The following TNKS variants were observed in gnomAD, a reference collection of about 807,000 sequenced individuals.
The protein encoded by TNKS is poly [ADP-ribose] polymerase tankyrase-1.
TNKS carries 72 observed loss-of-function variants against 135.8 expected under a neutral mutation model. The ratio of observed to expected loss-of-function variants is 0.53; its 90% CI spans 0.44 to 0.64. TNKS has a LOEUF of 0.64. Among genes scored for constraint, TNKS ranks in the 30% least tolerant of loss-of-function variants. TNKS has a pLI of 0.00. For missense variants in TNKS, 1,769 were observed against 1,674.0 expected (o/e 1.06, Z -0.99); for synonymous variants, 849 against 649.3 (o/e 1.31, Z -4.68).
chr8:9,612,677 G>A (rs1197631301), intron 2 of TNKS, among the ~76,000 whole-genome samples: 2 of 152,014 alleles, frequency 1.3e-5, no homozygotes, highest in Non-Finnish European at 2.9e-5. Flanking sequence ...ATTATCTGTG[G>A]CTGCTTTCAC....
chr8:9,704,587 A>T, intron 5 of TNKS, 76 bp from the exon 6 acceptor site: 2 of 1,232,814 alleles, frequency 1.6e-6, no homozygotes, highest in Non-Finnish European at 2.4e-6. Context: ...CATTGTGTTT[A>T]AATCTGAAAT....
intron 26 of TNKS, 26 bp from the exon 27 acceptor site, chr8:9,776,624 T>TA (rs1808238100): frequency 1.2e-6 from 2 of 1,607,636 alleles, no homozygotes; most frequent in African/African-American, 2.7e-5. Flanking sequence ...AGAAGGGTGA[T>TA]TTGTTTTTCT....
At chr8:9,597,582 G>C (rs566394479) in intron 2 of TNKS, among the ~76,000 whole-genome samples, 97 of 152,296 alleles carry the variant, frequency 6.4e-4, no homozygotes, top group African/African-American at 2.2e-3. Flanking sequence ...GGATTATGGA[G>C]AATCGTTAAT....
At chr8:9,675,196 T>A (rs967541501) in intron 3 of TNKS, among the ~76,000 whole-genome samples, 1 of 152,196 alleles carries the variant, frequency 6.6e-6, no homozygotes, top group African/African-American at 2.4e-5. Context: ...GGTTTTTAAT[T>A]TTCAAATCTA....
chr8:9,688,150 A>G (rs1450738061), intron 5 of TNKS, among the ~76,000 whole-genome samples: 1 of 152,248 alleles, frequency 6.6e-6, no homozygotes, highest in Non-Finnish European at 1.5e-5. Flanking sequence ...TGATAAAGAT[A>G]TTTTAAAATA....
chr8:9,560,935 C>T (rs528793036), intron 1 of TNKS, among the ~76,000 whole-genome samples: 2 of 151,992 alleles, frequency 1.3e-5, no homozygotes, highest in Non-Finnish European at 2.9e-5. Flanking sequence ...AATGATACTG[C>T]TCTTTGGAAG....
chr8:9,743,259 C>T (rs969832467), intron 17 of TNKS, among the ~76,000 whole-genome samples: 2 of 152,124 alleles, frequency 1.3e-5, no homozygotes, highest in African/African-American at 4.8e-5. Flanking sequence ...ATTTCTTCTT[C>T]CTAATATTAT....
At chr8:9,662,434 T>C (rs866130684) in intron 3 of TNKS, among the ~76,000 whole-genome samples, 1 of 152,202 alleles carries the variant, frequency 6.6e-6, no homozygotes, top group Non-Finnish European at 1.5e-5. Flanking sequence ...GATGAGTTCA[T>C]GTCCTTTGTA....
At chr8:9,754,271 G>A (rs1806718566) in intron 20 of TNKS, among the ~76,000 whole-genome samples, 1 of 152,118 alleles carries the variant, frequency 6.6e-6, no homozygotes, top group African/African-American at 2.4e-5. Flanking sequence ...TTAAGACCTA[G>A]TCAACTTATC....
At chr8:9,606,638 G>T (rs1458396319) in intron 2 of TNKS, among the ~76,000 whole-genome samples, 1 of 151,986 alleles carries the variant, frequency 6.6e-6, no homozygotes, top group Non-Finnish European at 1.5e-5. Context: ...TATAATTGAT[G>T]CTTTGAGGTC....
At chr8:9,768,054 C>G (rs1480782409) in intron 25 of TNKS, among the ~76,000 whole-genome samples, 1 of 150,940 alleles carries the variant, frequency 6.6e-6, no homozygotes, top group Non-Finnish European at 1.5e-5. Context: ...TTGCTTCAAA[C>G]CTAATTCCTC....
At chr8:9,574,132 A>G (rs1797857699) in intron 1 of TNKS, among the ~76,000 whole-genome samples, 1 of 152,228 alleles carries the variant, frequency 6.6e-6, no homozygotes, top group Non-Finnish European at 1.5e-5. Context: ...CCAGCACACC[A>G]CATAGTATAT....
chr8:9,729,873 AAGCAATTCTCCTGCCTCAGCCTCCC>A (rs1335180750), intron 13 of TNKS, among the ~76,000 whole-genome samples: 1 of 140,938 alleles, frequency 7.1e-6, no homozygotes, highest in Non-Finnish European at 1.5e-5. Flanking sequence ...TCCTGGGTTC[AAGCAATTCTCCTGCCTCAGCCTCCC>A]AGCGAGTAGC....
chr8:9,736,191 G>T (rs1435607430), intron 17 of TNKS, among the ~76,000 whole-genome samples: 1 of 151,322 alleles, frequency 6.6e-6, no homozygotes, highest in African/African-American at 2.4e-5. Context: ...GGCATGGAAA[G>T]TATGTTGGCT....
At chr8:9,694,173 C>G (rs950947120) in intron 5 of TNKS, among the ~76,000 whole-genome samples, 3 of 152,266 alleles carry the variant, frequency 2.0e-5, no homozygotes, top group South Asian at 4.2e-4. Flanking sequence ...GTAAATTTGT[C>G]ACACAAATTT....
At chr8:9,613,824 C>G (rs1226061766) in intron 2 of TNKS, among the ~76,000 whole-genome samples, 1 of 152,174 alleles carries the variant, frequency 6.6e-6, no homozygotes, top group Admixed American at 6.5e-5. Flanking sequence ...TTTTAGGTGA[C>G]TTTGGAGAAA....
intron 2 of TNKS, among the ~76,000 whole-genome samples, chr8:9,606,151 TG>T (rs1799210586): frequency 7.1e-5 from 2 of 28,126 alleles, no homozygotes; most frequent in Non-Finnish European, 1.3e-4. Flanking sequence ...AGAGTTATTT[TG>T]TGTTTTTTTT....
At chr8:9,734,791 A>C in intron 15 of TNKS, 74 bp from the exon 16 acceptor site, 1 of 1,298,696 alleles carries the variant, frequency 7.7e-7, no homozygotes, top group South Asian at 1.4e-5. Flanking sequence ...GGTAGAGTAA[A>C]TTAATTACCT....
chr8:9,585,398 C>G (rs2129054430), intron 2 of TNKS, among the ~76,000 whole-genome samples: 1 of 152,088 alleles, frequency 6.6e-6, no homozygotes, highest in South Asian at 2.1e-4. Flanking sequence ...AATAATTAAA[C>G]AAATGATAAG....
Sources: allele counts gnomAD v4.1 joint callset (sites outside exome capture counted in the v4.1 genomes callset), GRCh38; gene constraint gnomAD v4.1.1; transcripts MANE v1.5; gene names NCBI Gene and HGNC (gene_info 2026-07-23, HGNC 2026-07-21).